The following DPYD variants were observed in gnomAD, a reference collection of about 807,000 sequenced individuals.
The protein encoded by DPYD is dihydropyrimidine dehydrogenase [NADP(+)].
A neutral mutation model predicts 116.2 loss-of-function variants in DPYD; 109 were observed. The ratio of observed to expected loss-of-function variants is 0.94; its 90% confidence interval spans 0.80 to 1.10. The LOEUF (loss-of-function observed/expected upper bound fraction) is 1.10. DPYD is among the 50% of genes least tolerant of loss of function. The probability of loss-of-function intolerance (pLI) is 0.00; values close to 1 mark genes in which losing one functional copy is unlikely to be tolerated. For synonymous variants in DPYD, 440 were observed against 432.0 expected (o/e 1.02, Z -0.23); for missense variants, 1,302 against 1,254.5 (o/e 1.04, Z -0.57).
chr1:97,398,418 T>G (rs566747650), intron 14 of DPYD, among the ~76,000 whole-genome samples: 4 of 152,322 alleles, frequency 2.6e-5, no homozygotes, highest in African/African-American at 9.6e-5. Context: ...TGTGTGCATG[T>G]GTCTTTATAG....
At chr1:97,175,666 C>A (rs1443146686) in intron 20 of DPYD, among the ~76,000 whole-genome samples, 4 of 152,050 alleles carry the variant, frequency 2.6e-5, no homozygotes, top group Non-Finnish European at 5.9e-5. Context: ...TCAACTATAC[C>A]TTATTTCCCT....
intron 8 of DPYD, among the ~76,000 whole-genome samples, chr1:97,650,118 T>C (rs1431144068): frequency 2.6e-5 from 4 of 152,106 alleles, no homozygotes; most frequent in Non-Finnish European, 4.4e-5. Flanking sequence ...ACTTAGGGGA[T>C]GTTCCCTTAG....
intron 21 of DPYD, among the ~76,000 whole-genome samples, chr1:97,083,992 T>G (rs917327418): frequency 3.3e-5 from 5 of 152,154 alleles, no homozygotes; most frequent in Admixed American, 3.3e-4. Flanking sequence ...TTAATTTTAA[T>G]GCAATTGTAA....
chr1:97,348,742 G>A (rs2101301992), intron 16 of DPYD, among the ~76,000 whole-genome samples: 1 of 152,230 alleles, frequency 6.6e-6, no homozygotes, highest in Admixed American at 6.5e-5. Context: ...CTTGCCCTTA[G>A]AAAGTGGCCA....
chr1:97,823,216 G>A (rs1413003919), intron 3 of DPYD, among the ~76,000 whole-genome samples: 6 of 152,058 alleles, frequency 3.9e-5, no homozygotes, highest in South Asian at 2.1e-4. Flanking sequence ...GGGCAGTGGC[G>A]TGATCTCTGC....
At chr1:97,521,318 T>C (rs777100765) in intron 12 of DPYD, among the ~76,000 whole-genome samples, 1 of 152,144 alleles carries the variant, frequency 6.6e-6, no homozygotes, top group Non-Finnish European at 1.5e-5. Flanking sequence ...TCACAATTGC[T>C]ACAAAGAGAA....
At position 97,654,689 on chromosome 1, in the gene DPYD, C is replaced by T. The variant is rs1415946252; in HGVS notation, c.850+24406G>A. On this transcript the variant is annotated intron_variant, in intron 8 of 22. Transcript: ENST00000370192. The stretch of plus-strand genomic sequence containing the variant: ...TGTCCTTTATAAAAATAAAGACATA[C>T]TATTAAATGGTAAATAATAATTAAA... 3.9e-5 allele frequency among the ~76,000 whole-genome samples: 6 copies of T among 152,092 alleles called. No homozygotes were observed. The South Asian group carries it at 6.2e-4, about 16-fold the overall frequency.
intron 14 of DPYD, among the ~76,000 whole-genome samples, chr1:97,385,202 A>T (rs1244608829): frequency 6.7e-6 from 1 of 148,484 alleles, no homozygotes; most frequent in Admixed American, 6.7e-5. Context: ...GTTAGAAAAA[A>T]GATCAGGGAG....
intron 18 of DPYD, among the ~76,000 whole-genome samples, chr1:97,253,524 T>G (rs1324184090): frequency 6.6e-6 from 1 of 152,180 alleles, no homozygotes; most frequent in Non-Finnish European, 1.5e-5. Flanking sequence ...TGTTTCCCTT[T>G]AATTTCCCTT....
rs1408115474 is a variant in DPYD, at chr1:97,470,828, T to C, written c.1741-20605A>G. On this transcript the variant is annotated intron_variant, in intron 13 of 22. Coordinates refer to ENST00000370192, the MANE Select transcript of DPYD (RefSeq NM_000110.4). Reference sequence around the variant, plus strand: ...GCTTGGCCAACATAGCGAAACCCCATCAAGTACAAAAATTAGCAGGGCGTG... The same window carrying C: ...GCTTGGCCAACATAGCGAAACCCCACCAAGTACAAAAATTAGCAGGGCGTG... 2.0e-5 allele frequency among the ~76,000 whole-genome samples: 3 copies of C among 151,840 alleles called. No homozygotes were observed. In the East Asian group the frequency reaches 5.8e-4, roughly 29 times the overall value.
At chr1:97,534,095 G>GT (rs1249490450) in intron 12 of DPYD, among the ~76,000 whole-genome samples, 1 of 152,066 alleles carries the variant, frequency 6.6e-6, no homozygotes, top group Non-Finnish European at 1.5e-5. Context: ...TGTTTCAATT[G>GT]TATTTATTAA....
chr1:97,173,354 A>G (rs964923174), intron 20 of DPYD, among the ~76,000 whole-genome samples: 1 of 149,830 alleles, frequency 6.7e-6, no homozygotes, highest in African/African-American at 2.5e-5. Flanking sequence ...GCACACATAT[A>G]TGTACATATA....
intron 3 of DPYD, among the ~76,000 whole-genome samples, chr1:97,763,053 C>T (rs1665662714): frequency 6.6e-6 from 1 of 152,018 alleles, no homozygotes; most frequent in African/African-American, 2.4e-5. Context: ...AAATATTTTG[C>T]TATCCTCATT....
At chr1:97,807,564 A>G (rs1557976718) in intron 3 of DPYD, among the ~76,000 whole-genome samples, 1 of 152,064 alleles carries the variant, frequency 6.6e-6, no homozygotes, top group Non-Finnish European at 1.5e-5. Flanking sequence ...TTTCTTTCAT[A>G]AAATTTTTAA....
intron 18 of DPYD, among the ~76,000 whole-genome samples, chr1:97,293,721 C>G (rs1431735818): frequency 6.6e-6 from 1 of 152,144 alleles, no homozygotes; most frequent in Non-Finnish European, 1.5e-5. Context: ...GCAGATGGAT[C>G]ACCTGAGGTC....
chr1:97,596,892 T>C (rs546854782), intron 8 of DPYD, among the ~76,000 whole-genome samples: 2 of 152,358 alleles, frequency 1.3e-5, no homozygotes, highest in Non-Finnish European at 2.9e-5. Context: ...ATTTCCATTA[T>C]GTAGTAGCAT....
At chr1:97,488,478 A>G (rs908515574) in intron 13 of DPYD, among the ~76,000 whole-genome samples, 1 of 152,212 alleles carries the variant, frequency 6.6e-6, no homozygotes, top group Admixed American at 6.5e-5. Context: ...TTGGCAAATT[A>G]TATTAATCCA....
chr1:97,570,284 A>G (rs1417797041), intron 11 of DPYD, among the ~76,000 whole-genome samples: 1 of 152,008 alleles, frequency 6.6e-6, no homozygotes, highest in Non-Finnish European at 1.5e-5. Flanking sequence ...CATTTACAAT[A>G]TTATTGCAAC....
intron 19 of DPYD, among the ~76,000 whole-genome samples, chr1:97,212,667 C>A (rs907797205): frequency 4.6e-5 from 7 of 152,186 alleles, no homozygotes; most frequent in Non-Finnish European, 8.8e-5. Context: ...AGCAGTTGCA[C>A]CGTTTTATAT....
Sources: gnomAD v4.1 joint callset for allele counts (sites outside exome capture counted in the v4.1 genomes callset) on GRCh38, gnomAD v4.1.1 for gene constraint, MANE v1.5 for transcripts, NCBI Gene and HGNC (gene_info 2026-07-23, HGNC 2026-07-21) for gene names.